F5: variants seen among roughly 807,000 people sequenced by gnomAD.
The protein encoded by F5 is activated protein c cofactor.
F5 carries 138 observed loss-of-function variants against 216.4 expected under a neutral mutation model. The ratio of observed to expected loss-of-function variants is 0.64; its 90% CI spans 0.56 to 0.73. The LOEUF (loss-of-function observed/expected upper bound fraction) is 0.73. Ranked by LOEUF, F5 falls within the 30% of genes least tolerant of loss-of-function variation. The pLI is 0.00. For synonymous variants in F5, 916 were observed against 930.7 expected, an observed-to-expected ratio of 0.98 and a Z score of 0.29; for missense variants, 2,403 against 2,674.0, an observed-to-expected ratio of 0.90 and a Z score of 2.24.
chr1:169,539,536 G>T (rs1659785069), intron 13 of F5, among the ~76,000 whole-genome samples: 1 of 152,196 alleles, frequency 6.6e-6, no homozygotes, highest in South Asian at 2.1e-4. Flanking sequence ...TTTAAACAGA[G>T]TTCTAATGTG....
At chr1:169,524,295 C>G (rs1659378846) in intron 19 of F5, among the ~76,000 whole-genome samples, 1 of 152,162 alleles carries the variant, frequency 6.6e-6, no homozygotes, top group African/African-American at 2.4e-5. Flanking sequence ...TGGAGGAGTT[C>G]CTCACATATA....
chr1:169,575,558 G>A (rs141529437), intron 2 of F5, among the ~76,000 whole-genome samples: 299 of 152,282 alleles, frequency 2.0e-3, no homozygotes, highest in African/African-American at 6.9e-3. Flanking sequence ...GAAGACTCCA[G>A]GAGAGATGGT....
intron 3 of F5, among the ~76,000 whole-genome samples, chr1:169,565,354 A>C (rs1024166969): frequency 1.3e-5 from 2 of 152,050 alleles, no homozygotes; most frequent in African/African-American, 2.4e-5. Context: ...TGAGTTCCTC[A>C]AGGAAAAGTG....
chr1:169,540,451 C>G lies in F5; in HGVS notation c.4639G>C (p.Asp1547His). 1 of 1,613,988 alleles carries G rather than the reference C, an allele frequency of 6.2e-7. No individual in the cohort carries two copies. ...DYAEIDYVPY[D>H]DPYKTDVRTN... The stretch of plus-strand genomic sequence containing the variant: ...CTAACATCAGTTTTGTAGGGGTCAT[C>G]ATAGGGCACATAATCAATTTCAGCA... Residue 1547 changes from aspartate (D) to histidine (H), a missense_variant, in exon 13 of 25, where the codon GAT becomes CAT. Physicochemically the swap from Asp to His is moderately conservative, Grantham distance 81. Coordinates refer to ENST00000367797, the MANE Select transcript of F5 (RefSeq NM_000130.5).
chr1:169,547,197 A>G (rs1377650144), intron 10 of F5, among the ~76,000 whole-genome samples: 1 of 151,998 alleles, frequency 6.6e-6, no homozygotes, highest in Non-Finnish European at 1.5e-5. Context: ...ACAAAAAACA[A>G]CAACAACACA....
chr1:169,559,050 A>G, intron 5 of F5, 103 bp downstream of exon 5: 1 of 1,305,216 alleles, frequency 7.7e-7, no homozygotes, highest in Non-Finnish European at 1.1e-6. Context: ...GGGAGTTGCA[A>G]AACAGTGAGT....
chr1:169,524,965 G>A (rs1264070315), intron 18 of F5, 57 bp from the exon 19 acceptor site: 3 of 1,315,162 alleles, frequency 2.3e-6, no homozygotes, highest in Admixed American at 3.4e-5. Flanking sequence ...ATACAATAAA[G>A]TAAAACTCCA....
chr1:169,560,086 A>G (rs986320605), intron 4 of F5, among the ~76,000 whole-genome samples: 2 of 152,114 alleles, frequency 1.3e-5, no homozygotes, highest in African/African-American at 4.8e-5. Context: ...GAAACCTACC[A>G]CCCAAAGTTT....
chr1:169,542,379 A>G lies in F5; in HGVS notation c.2711T>C (p.Met904Thr), dbSNP rs1402501276. The G allele has an allele frequency of 6.2e-7, 1 of 1,614,048 alleles. No homozygotes were observed. Among genetic ancestry groups the G allele is most frequent in the African/African-American group, 1.3e-5 (1 of 75,008 alleles). The change falls in exon 13 of 25, where the codon ATG (methionine) becomes ACG (threonine). Residue 904 changes from methionine (M) to threonine (T), a missense_variant. Coordinates refer to ENST00000367797, the MANE Select transcript of F5 (RefSeq NM_000130.5). ...GCTAGGAAGGTCCTCCCAGGGCCTCATTCCGGAAGGAGAACCAGTGTCTTG... is the reference window on the plus strand; with the variant it reads ...GCTAGGAAGGTCCTCCCAGGGCCTCGTTCCGGAAGGAGAACCAGTGTCTTG... ...LSQDTGSPSG[M>T]RPWEDLPSQD... is the part of the protein sequence containing the mutation.
intron 4 of F5, among the ~76,000 whole-genome samples, chr1:169,560,311 G>C (rs951668285): frequency 6.6e-6 from 1 of 152,126 alleles, no homozygotes; most frequent in Non-Finnish European, 1.5e-5. Flanking sequence ...TCTCAAACAG[G>C]AATTTGCCTG....
intron 24 of F5, among the ~76,000 whole-genome samples, chr1:169,514,754 T>A (rs535141092): frequency 2.2e-4 from 33 of 152,226 alleles, no homozygotes; most frequent in Admixed American, 1.8e-3. Flanking sequence ...TGATCCTCTA[T>A]CAGTTATGAA....
Position 169,529,767 on chromosome 1 carries a change from C to T in F5, c.5260G>A (p.Gly1754Arg). The T allele has an allele frequency of 6.2e-7, 1 of 1,613,606 alleles. No individual in the cohort carries two copies. Among genetic ancestry groups the T allele is most frequent in the Non-Finnish European group, 8.5e-7 (1 of 1,179,738 alleles). The change falls in exon 16 of 25, where the codon GGA (glycine) becomes AGA (arginine). Residue 1754 changes from glycine to arginine, a missense_variant. Around this residue, in one of 4 missense-constraint regions of F5, gnomAD observed 659 missense variants for 787.9 expected, o/e 0.84. Coordinates refer to ENST00000367797, the MANE Select transcript of F5 (RefSeq NM_000130.5). Reference sequence around the variant, plus strand: ...ATGTTGCTGTCCTTATGTAGTATTCCTTTTTGGCAGATTAGGAGGGGACCT... The same window carrying T: ...ATGTTGCTGTCCTTATGTAGTATTCTTTTTTGGCAGATTAGGAGGGGACCT... The part of the protein sequence containing the change: ...LIGPLLICQK[G>R]ILHKDSNMPM...
chr1:169,567,201 C>T (rs7542281), intron 3 of F5, among the ~76,000 whole-genome samples: 36,520 of 151,518 alleles, frequency 0.24, 5,298 homozygotes, highest in South Asian at 0.36. Flanking sequence ...GCACTAATCT[C>T]ATCATGAGGG....
At chr1:169,548,382 A>G (rs1007138183) in intron 10 of F5, among the ~76,000 whole-genome samples, 7 of 152,154 alleles carry the variant, frequency 4.6e-5, no homozygotes, top group African/African-American at 1.4e-4. Flanking sequence ...AAAGTGCTGT[A>G]TTCAGTCATT....
chr1:169,551,140 G>A lies in F5; in HGVS notation c.1297-401C>T, dbSNP rs566555382. ...CTTCCCCTGCCCGGTAGATTTTTTA[G>A]GACACTGTCTTTGAAGTCATCTTCT... On this transcript the variant is annotated intron_variant, in intron 8 of 24. Transcript: ENST00000367797. Among the ~76,000 whole-genome samples, 14 of 152,114 alleles carry A rather than the reference G, an allele frequency of 9.2e-5. No homozygotes were observed. In the South Asian group the frequency reaches 2.9e-3, roughly 32 times the overall value.
At chr1:169,549,741 C>T (rs1191016443) in intron 10 of F5, 60 bp downstream of exon 10, 1 of 1,302,688 alleles carries the variant, frequency 7.7e-7, no homozygotes, top group Admixed American at 1.8e-5. Flanking sequence ...GGAGACCTAA[C>T]ATGTTCTAGC....
chr1:169,541,617 T>A lies in F5; in HGVS notation c.3473A>T (p.Glu1158Val), dbSNP rs773601247. The change falls in exon 13 of 25, where the codon GAG becomes GTG. Residue 1158 changes from glutamate (E) to valine (V), a missense_variant. Transcript: ENST00000367797. ...SSSPELSEML[E>V]YDRSHKSFPT... is the part of the protein sequence containing the mutation. Reference sequence around the variant, plus strand: ...GAAGGACTTGTGACTTCGGTCATACTCAAGCATTTCACTGAGCTCTGGAGA... The same window carrying A: ...GAAGGACTTGTGACTTCGGTCATACACAAGCATTTCACTGAGCTCTGGAGA... 6.2e-6 allele frequency: 10 copies of A among 1,614,136 alleles called. No homozygotes were observed. The highest frequency in any genetic ancestry group is 8.5e-6 in the Non-Finnish European group (10 of 1,179,994).
intron 13 of F5, 107 bp from the exon 14 acceptor site, chr1:169,536,787 A>G: frequency 1.2e-6 from 1 of 835,338 alleles, no homozygotes; most frequent in South Asian, 1.5e-5. Context: ...GAAGGTCTTT[A>G]ATAAATACTT....
intron 5 of F5, among the ~76,000 whole-genome samples, chr1:169,557,248 C>T (rs568963260): frequency 1.3e-5 from 2 of 152,156 alleles, no homozygotes; most frequent in East Asian, 3.9e-4. Context: ...GTAAAAAGTC[C>T]ACGGCAAAAT....
Sources: gnomAD v4.1 joint callset for allele counts (sites outside exome capture counted in the v4.1 genomes callset) on GRCh38, gnomAD v4.1.1 for gene constraint, gnomAD v4.1.1 regional missense constraint, MANE v1.5 for transcripts, NCBI Gene and HGNC (gene_info 2026-07-23, HGNC 2026-07-21) for gene names.